SLC24A4: variants seen among roughly 807,000 people sequenced by gnomAD.
SLC24A4 encodes sodium/potassium/calcium exchanger 4.
SLC24A4 carries 53 observed loss-of-function variants against 79.0 expected under a neutral mutation model. The ratio of observed to expected loss-of-function variants is 0.67; its 90% CI spans 0.54 to 0.84. The LOEUF is 0.84. Among genes scored for constraint, SLC24A4 ranks in the 40% least tolerant of loss-of-function variants. The pLI, the probability that SLC24A4 is intolerant of heterozygous loss-of-function variation, is 0.00. For synonymous variants in SLC24A4, 323 were observed against 323.8 expected (o/e 1.00, Z 0.03); for missense variants, 731 against 822.0 (o/e 0.89, Z 1.35).
At chr14:92,390,835 A>G (rs1408813521) in intron 2 of SLC24A4, among the ~76,000 whole-genome samples, 1 of 152,240 alleles carries the variant, frequency 6.6e-6, no homozygotes, top group African/African-American at 2.4e-5. Context: ...GGATAATGCC[A>G]GCTGGTGCAG....
chr14:92,406,983 A>C (rs1890424352), intron 2 of SLC24A4, among the ~76,000 whole-genome samples: 1 of 152,202 alleles, frequency 6.6e-6, no homozygotes, highest in Admixed American at 6.5e-5. Context: ...CTTCCCTTTT[A>C]AACATAAGTT....
Position 92,493,262 on chromosome 14 carries a change from C to A in SLC24A4, c.1717-214C>A, listed in dbSNP as rs72631618. 2.6e-3 allele frequency among the ~76,000 whole-genome samples: 389 copies of A among 152,224 alleles called. 1 individual carries two copies. In the East Asian group the frequency reaches 0.031, roughly 12 times the overall value. On this transcript the variant is annotated intron_variant, in intron 16 of 16. Transcript: ENST00000532405. ...GCTGCTGTGTATCCCTGAGTCAATG[C>A]GGCTAGGACAGAGACTCGCCCTTTC... is the stretch of plus-strand genomic sequence containing the variant.
chr14:92,336,303 A>G (rs1885799874), intron 2 of SLC24A4, among the ~76,000 whole-genome samples: 1 of 152,248 alleles, frequency 6.6e-6, no homozygotes, highest in African/African-American at 2.4e-5. Flanking sequence ...ATTATTGAAG[A>G]GGCCTTTAGA....
chr14:92,329,441 C>A (rs1427460963), intron 2 of SLC24A4, among the ~76,000 whole-genome samples: 1 of 152,286 alleles, frequency 6.6e-6, no homozygotes, highest in African/African-American at 2.4e-5. Flanking sequence ...TTGGTGTTAG[C>A]GTTTTGATCT....
Position 92,353,080 on chromosome 14 carries a change from A to G in SLC24A4, c.241+27102A>G, listed in dbSNP as rs763885975. On this transcript the variant is annotated intron_variant, in intron 2 of 16. Coordinates refer to ENST00000532405, the MANE Select transcript of SLC24A4 (RefSeq NM_153646.4). The surrounding 1 kb of genome is among the most constrained non-coding windows in gnomAD (Gnocchi z 4.1). ...TGATAAAATAAAACCTCTGTCTCCT[A>G]TCTCTGTCCCACAGCTGCCCAAACC... Among the ~76,000 whole-genome samples, 1 of 152,208 alleles carries G rather than the reference A, an allele frequency of 6.6e-6. No homozygotes were observed. Among genetic ancestry groups the G allele is most frequent in the Non-Finnish European group, 1.5e-5 (1 of 68,032 alleles).
At chr14:92,448,513 T>G (rs1289993112) in intron 9 of SLC24A4, among the ~76,000 whole-genome samples, 2 of 152,168 alleles carry the variant, frequency 1.3e-5, no homozygotes, top group Non-Finnish European at 2.9e-5. Flanking sequence ...TTATAATGTT[T>G]TATAAAGATG....
intron 2 of SLC24A4, among the ~76,000 whole-genome samples, chr14:92,426,763 G>A (rs907338774): frequency 2.0e-5 from 3 of 151,946 alleles, no homozygotes; most frequent in Non-Finnish European, 2.9e-5. Context: ...TTGGTGGGGC[G>A]GGGGGGAATG....
chr14:92,459,836 C>G (rs1893694547), intron 12 of SLC24A4, among the ~76,000 whole-genome samples: 1 of 152,132 alleles, frequency 6.6e-6, no homozygotes, highest in East Asian at 1.9e-4. Flanking sequence ...GAGACTCCGC[C>G]CCCGACAGAA....
intron 8 of SLC24A4, 142 bp from the exon 9 acceptor site, chr14:92,447,229 C>A: frequency 1.5e-6 from 1 of 683,134 alleles, no homozygotes; most frequent in Non-Finnish European, 2.5e-6. Context: ...GGATCTCTCT[C>A]ACATGCCTGG....
At position 92,382,940 on chromosome 14, in the gene SLC24A4, C is replaced by T. The variant is rs575761636; in HGVS notation, c.242-50972C>T. Reference sequence around the variant, plus strand: ...CCTGGATTTACAGTCAGAAAACCTGCACCACGGGACCTGCCTCTTCCCTCT... The same window carrying T: ...CCTGGATTTACAGTCAGAAAACCTGTACCACGGGACCTGCCTCTTCCCTCT... On this transcript the variant is annotated intron_variant, in intron 2 of 16. Coordinates refer to ENST00000532405, the MANE Select transcript of SLC24A4 (RefSeq NM_153646.4). 2.0e-5 allele frequency among the ~76,000 whole-genome samples: 3 copies of T among 152,296 alleles called. No individual in the cohort carries two copies. In the South Asian group the frequency reaches 6.2e-4, roughly 32 times the overall value.
intron 12 of SLC24A4, among the ~76,000 whole-genome samples, chr14:92,481,940 G>A (rs1040325610): frequency 3.3e-5 from 5 of 152,168 alleles, no homozygotes; most frequent in Non-Finnish European, 5.9e-5. Context: ...GGCTTATGAG[G>A]CCTCTTTTCC....
At chr14:92,425,584 T>A (rs1413776277) in intron 2 of SLC24A4, among the ~76,000 whole-genome samples, 1 of 152,248 alleles carries the variant, frequency 6.6e-6, no homozygotes, top group African/African-American at 2.4e-5. Flanking sequence ...AGCCATTGTC[T>A]GTTCGTATTA....
Position 92,441,817 on chromosome 14 carries a change from A to G in SLC24A4, c.394-272A>G, listed in dbSNP as rs1462331920. The stretch of plus-strand genomic sequence containing the variant: ...AGTGGATGCCTAGGAAGACTTCATC[A>G]GGGAGACATTATTTGGTCACGGGCT... On this transcript the variant is annotated intron_variant, in intron 4 of 16. Transcript: ENST00000532405. The surrounding 1 kb of genome is among the most constrained non-coding windows in gnomAD (Gnocchi z 4.6). 1.3e-5 allele frequency among the ~76,000 whole-genome samples: 2 copies of G among 152,204 alleles called. No individual in the cohort carries two copies. Among genetic ancestry groups the G allele is most frequent in the Non-Finnish European group, 2.9e-5 (2 of 68,036 alleles).
chr14:92,339,876 A>G (rs1425606130), intron 2 of SLC24A4, among the ~76,000 whole-genome samples: 1 of 152,246 alleles, frequency 6.6e-6, no homozygotes, highest in Non-Finnish European at 1.5e-5. Flanking sequence ...GAATGAAGAT[A>G]GGGAGAATAA....
At chr14:92,400,128 C>T (rs1566740172) in intron 2 of SLC24A4, among the ~76,000 whole-genome samples, 1 of 152,072 alleles carries the variant, frequency 6.6e-6, no homozygotes, top group Non-Finnish European at 1.5e-5. Context: ...AATTACAGCA[C>T]CTTGATAAAC....
chr14:92,429,916 C>T (rs540002362), intron 2 of SLC24A4, among the ~76,000 whole-genome samples: 2 of 152,298 alleles, frequency 1.3e-5, no homozygotes, highest in South Asian at 2.1e-4. Context: ...GCTGCATGTT[C>T]CCCAACAACT....
intron 2 of SLC24A4, among the ~76,000 whole-genome samples, chr14:92,334,880 A>G (rs1179344261): frequency 5.3e-5 from 8 of 151,534 alleles, no homozygotes; most frequent in African/African-American, 2.0e-4. Flanking sequence ...CATCATCATC[A>G]TCATCATCGT....
rs565620001 is a variant in SLC24A4 at position 92,487,040 on chromosome 14, G to A, written c.1537+260G>A. Among the ~76,000 whole-genome samples the A allele has an allele frequency of 3.9e-5, 6 of 152,262 alleles. No homozygotes were observed. The East Asian group carries it at 1.2e-3, about 29-fold the overall frequency. The stretch of plus-strand genomic sequence containing the variant: ...TGTATAAAAACAAAAATGTTCTGAG[G>A]TCAGCAGTCAATGTGAGATTGAACA... On this transcript the variant is annotated intron_variant, in intron 14 of 16. Transcript: ENST00000532405.
chr14:92,486,039 G>A (rs1263244257), intron 13 of SLC24A4, among the ~76,000 whole-genome samples: 1 of 152,146 alleles, frequency 6.6e-6, no homozygotes. Flanking sequence ...AGCACCCTGC[G>A]CTTACTTTCA....
Sources: allele counts gnomAD v4.1 joint callset (sites outside exome capture counted in the v4.1 genomes callset), GRCh38; gene constraint gnomAD v4.1.1; non-coding constraint Gnocchi (gnomAD v3.1); transcripts MANE v1.5; gene names NCBI Gene and HGNC (gene_info 2026-07-23, HGNC 2026-07-21).